KAZN: variants seen among roughly 807,000 people sequenced by gnomAD.
KAZN encodes the protein kazrin, periplakin interacting protein, also known as kazrin.
A neutral mutation model predicts 87.4 loss-of-function variants in KAZN; 40 were observed. The observed-to-expected ratio is 0.46, with a 90% confidence interval of 0.36 to 0.60. The LOEUF is 0.60. Among genes scored for constraint, KAZN ranks in the 20% least tolerant of loss-of-function variants. KAZN has a pLI of 0.00. For synonymous variants in KAZN, 466 were observed against 458.3 expected, an observed-to-expected ratio of 1.02 and a Z score of -0.22; for missense variants, 898 against 1,073.9, an observed-to-expected ratio of 0.84 and a Z score of 2.29.
intron 1 of KAZN, among the ~76,000 whole-genome samples, chr1:14,816,606 T>C (rs1046251263): frequency 2.0e-5 from 3 of 152,026 alleles, no homozygotes; most frequent in African/African-American, 7.3e-5. Flanking sequence ...GATAGAAAGG[T>C]AAATAGATAG....
chr1:14,189,789 A>G (rs1464840006), intron 2 of KAZN, among the ~76,000 whole-genome samples: 1 of 152,194 alleles, frequency 6.6e-6, no homozygotes, highest in Non-Finnish European at 1.5e-5. Context: ...ACCAAGAGGT[A>G]TAAAATACGG....
At chr1:15,080,702 G>A (rs945800136) in intron 8 of KAZN, among the ~76,000 whole-genome samples, 9 of 152,254 alleles carry the variant, frequency 5.9e-5, no homozygotes, top group African/African-American at 2.2e-4. Context: ...AGCTTTTGGA[G>A]CTACATGTGC....
At chr1:14,016,739 A>G (rs1640590630) in intron 1 of KAZN, among the ~76,000 whole-genome samples, 1 of 152,142 alleles carries the variant, frequency 6.6e-6, no homozygotes, top group African/African-American at 2.4e-5. Context: ...TAGCTTCTCA[A>G]GAGCTGGTGT....
chr1:14,133,878 G>C (rs1448241250), intron 1 of KAZN, among the ~76,000 whole-genome samples: 2 of 152,192 alleles, frequency 1.3e-5, no homozygotes, highest in Non-Finnish European at 2.9e-5. Flanking sequence ...GAGATGACCA[G>C]AAACCAGATG....
At chr1:14,018,324 T>G (rs1435401895) in intron 1 of KAZN, among the ~76,000 whole-genome samples, 8 of 152,228 alleles carry the variant, frequency 5.3e-5, no homozygotes, top group Non-Finnish European at 1.2e-4. Context: ...CGATGTTTGA[T>G]TCTAGGCAAA....
chr1:14,934,334 G>A (rs1660196289), intron 1 of KAZN, among the ~76,000 whole-genome samples: 1 of 150,150 alleles, frequency 6.7e-6, no homozygotes, highest in Non-Finnish European at 1.5e-5. Flanking sequence ...AGCCTCCCGA[G>A]TAGCTGGGAT....
intron 1 of KAZN, among the ~76,000 whole-genome samples, chr1:14,802,817 G>A (rs1646083647): frequency 6.6e-6 from 1 of 152,208 alleles, no homozygotes; most frequent in Non-Finnish European, 1.5e-5. Context: ...AGCACTCGGT[G>A]ATGGAGCCTG....
chr1:14,806,768 C>T (rs750742927), intron 1 of KAZN, among the ~76,000 whole-genome samples: 7 of 152,184 alleles, frequency 4.6e-5, no homozygotes, highest in Non-Finnish European at 7.3e-5. Flanking sequence ...TTATTGGCAC[C>T]CTCTGCTCCA....
At chr1:14,361,600 T>A (rs1659518757) in intron 2 of KAZN, among the ~76,000 whole-genome samples, 1 of 152,218 alleles carries the variant, frequency 6.6e-6, no homozygotes, top group African/African-American at 2.4e-5. Flanking sequence ...AATCTCCTGG[T>A]CTGTGGGTTG....
chr1:14,602,113 T>C (rs1677025904), intron 1 of KAZN, among the ~76,000 whole-genome samples: 1 of 152,198 alleles, frequency 6.6e-6, no homozygotes, highest in African/African-American at 2.4e-5. Flanking sequence ...GTATCCCCTT[T>C]TGATGAAGAA....
At chr1:14,079,347 T>C (rs906256240) in intron 1 of KAZN, among the ~76,000 whole-genome samples, 2 of 152,234 alleles carry the variant, frequency 1.3e-5, no homozygotes, top group Non-Finnish European at 2.9e-5. Flanking sequence ...CTGACTGATA[T>C]TCAATGTGAA....
At chr1:14,308,195 G>GA (rs960429300) in intron 2 of KAZN, among the ~76,000 whole-genome samples, 8 of 151,518 alleles carry the variant, frequency 5.3e-5, no homozygotes, top group African/African-American at 1.5e-4. Context: ...TGAACCAGGG[G>GA]AAAAAAAATA....
At chr1:14,958,441 G>T (rs1396692801) in intron 1 of KAZN, among the ~76,000 whole-genome samples, 1 of 151,700 alleles carries the variant, frequency 6.6e-6, no homozygotes, top group African/African-American at 2.4e-5. Flanking sequence ...GCACTTCCTG[G>T]GTACATGGAG....
chr1:14,871,681 T>TGTGTGTGC (rs756984653), intron 1 of KAZN, among the ~76,000 whole-genome samples: 10 of 150,992 alleles, frequency 6.6e-5, no homozygotes, highest in Admixed American at 1.3e-4. Context: ...TGTGTGTGTG[T>TGTGTGTGC]GCACCTGCAT....
rs1557586164 is a variant in KAZN at position 14,883,344 on chromosome 1, A to AGAGAGAGAGAGAGAGAGAGAG, written c.227-77340_227-77339insGAGAGAGAGAGAGAGAGAGAG. ...AGAGAGAGAGAGAGAGAGAGAGAGA[A>AGAGAGAGAGAGAGAGAGAGAG]AGAAAGAAAGAAAAGAAAGAAAGAA... On this transcript the variant is annotated intron_variant, in intron 1 of 14. Coordinates refer to ENST00000376030, the MANE Select transcript of KAZN (RefSeq NM_201628.3). 2.0e-3 allele frequency among the ~76,000 whole-genome samples: 59 copies of AGAGAGAGAGAGAGAGAGAGAG among 29,674 alleles called. 8 individuals carry two copies. Among genetic ancestry groups the AGAGAGAGAGAGAGAGAGAGAG allele is most frequent in the East Asian group, 0.013 (4 of 320 alleles). The allele number at this position is 29,674 out of a possible 152,430, so 19.5% of individuals were successfully genotyped here. A position where few individuals can be genotyped will look rare whatever the true frequency, so the allele number is the denominator to read the frequency against.
intron 10 of KAZN, among the ~76,000 whole-genome samples, chr1:15,097,899 G>T (rs1640870281): frequency 6.6e-6 from 1 of 152,182 alleles, no homozygotes; most frequent in African/African-American, 2.4e-5. Flanking sequence ...TTCAAAGTCA[G>T]TTGCCTTTCC....
intron 1 of KAZN, among the ~76,000 whole-genome samples, chr1:14,720,964 T>A (rs1643068002): frequency 6.6e-6 from 1 of 152,248 alleles, no homozygotes; most frequent in African/African-American, 2.4e-5. Context: ...GGTGACCTGA[T>A]GACCAGTTCT....
chr1:14,931,072 G>C (rs1024642951), intron 1 of KAZN, among the ~76,000 whole-genome samples: 4 of 152,168 alleles, frequency 2.6e-5, no homozygotes, highest in Admixed American at 2.0e-4. Flanking sequence ...ACTGAGGCCC[G>C]AGGCTGGGAA....
At chr1:14,270,012 TGCACCTG>T in intron 2 of KAZN, among the ~76,000 whole-genome samples, 1 of 152,156 alleles carries the variant, frequency 6.6e-6, no homozygotes, top group Admixed American at 6.5e-5. Flanking sequence ...GCATAGTGCC[TGCACCTG>T]CTCCGGGCAG....
Sources: gnomAD v4.1 joint callset for allele counts (sites outside exome capture counted in the v4.1 genomes callset) on GRCh38, gnomAD v4.1.1 for gene constraint, MANE v1.5 for transcripts, NCBI Gene and HGNC (gene_info 2026-07-23, HGNC 2026-07-21) for gene names.